The following GALNS variants were observed in gnomAD, a reference collection of about 807,000 sequenced individuals.
GALNS encodes the protein N-acetylgalactosamine-6-sulfatase.
Under a neutral mutation model 65.9 loss-of-function variants are expected in GALNS, and 65 were observed. The ratio of observed to expected loss-of-function variants is 0.99; its 90% CI spans 0.81 to 1.21. The LOEUF (loss-of-function observed/expected upper bound fraction) is 1.21. Ranked by LOEUF, GALNS falls within the 50% of genes most tolerant of loss-of-function variation. GALNS has a pLI of 0.00. For missense variants in GALNS, 776 were observed against 700.7 expected (o/e 1.11, Z -1.21); for synonymous variants, 346 against 288.9 (o/e 1.20, Z -2.00).
intron 12 of GALNS, among the ~76,000 whole-genome samples, chr16:88,820,681 G>C (rs1910116316): frequency 6.6e-6 from 1 of 152,240 alleles, no homozygotes. Context: ...GGGTGGGACT[G>C]TGTCTCTGCT....
At chr16:88,836,350 G>T in intron 5 of GALNS, 83 bp from the exon 6 acceptor site, 1 of 1,140,488 alleles carries the variant, frequency 8.8e-7, no homozygotes, top group East Asian at 2.4e-5. Context: ...GCAAAGCCAT[G>T]GGCTTCATTT....
chr16:88,825,130 G>T (rs1412345507), intron 10 of GALNS, among the ~76,000 whole-genome samples: 199 of 141,998 alleles, frequency 1.4e-3, no homozygotes, highest in African/African-American at 5.4e-3. Flanking sequence ...GGGCTGGGGT[G>T]TCTGGGCGGC....
At chr16:88,818,633 C>G (rs78658793) in intron 12 of GALNS, among the ~76,000 whole-genome samples, 1 of 152,156 alleles carries the variant, frequency 6.6e-6, no homozygotes, top group Admixed American at 6.5e-5. Flanking sequence ...CACGAAGATA[C>G]GATTACACGG....
At chr16:88,830,111 G>A (rs1037840119) in intron 9 of GALNS, among the ~76,000 whole-genome samples, 1 of 151,836 alleles carries the variant, frequency 6.6e-6, no homozygotes, top group African/African-American at 2.4e-5. Flanking sequence ...CATGCCTGTA[G>A]TCCCAGCTAC....
At chr16:88,842,921 G>T in intron 1 of GALNS, 92 bp from the exon 2 acceptor site, 2 of 1,557,036 alleles carry the variant, frequency 1.3e-6, no homozygotes, top group Admixed American at 1.9e-5. Context: ...GCGTGTCGGG[G>T]ACCGTGGAAG....
At chr16:88,816,187 G>C (rs1233575956) in intron 13 of GALNS, 102 of 985,476 alleles carry the variant, frequency 1.0e-4, no homozygotes, top group Non-Finnish European at 1.2e-4. Flanking sequence ...GTGCCCAGGA[G>C]ATGGCAGTGG....
Position 88,822,667 on chromosome 16 carries a change from G to C in GALNS, c.1286C>G (p.Thr429Ser). 1 of 1,613,236 alleles carries C rather than the reference G, an allele frequency of 6.2e-7. No homozygotes were observed. The highest frequency in any genetic ancestry group is 1.7e-5 in the Admixed American group (1 of 60,004). Residue 429 changes from threonine to serine, a missense_variant, in exon 12 of 14, where the codon ACT (threonine) becomes AGT (serine). Coordinates refer to ENST00000268695, the MANE Select transcript of GALNS (RefSeq NM_000512.5). ...CPGQNVSGVT[T>S]HNLEDHTKLP... is the part of the protein sequence containing the mutation. Reference sequence around the variant, plus strand: ...CTTCGTGTGGTCTTCCAGATTGTGAGTTGTGACCCCTGAAACGTTCTGCCC... The same window carrying C: ...CTTCGTGTGGTCTTCCAGATTGTGACTTGTGACCCCTGAAACGTTCTGCCC...
chr16:88,815,461 A>G, intron 13 of GALNS: 1 of 985,454 alleles, frequency 1.0e-6, no homozygotes, highest in Non-Finnish European at 1.2e-6. Flanking sequence ...GCACCCCTCC[A>G]TCGCCTGGGT....
chr16:88,838,025 C>T (rs929135566), intron 4 of GALNS: 21 of 495,542 alleles, frequency 4.2e-5, no homozygotes, highest in Admixed American at 9.7e-5. Flanking sequence ...GTTCCCTGCA[C>T]GGTGAAGGGT....
chr16:88,836,183 T>C lies in GALNS; in HGVS notation c.633+18A>G, dbSNP rs1194572926. 3 of 1,611,610 alleles carry C rather than the reference T, an allele frequency of 1.9e-6. No homozygotes were observed. Among genetic ancestry groups the C allele is most frequent in the South Asian group, 1.1e-5 (1 of 90,982 alleles). ...CCCCATGCGTCCCACAGGGCGAGGA[T>C]GGTGCGGTCCCCATCACCTGCAGGT... is the stretch of plus-strand genomic sequence containing the variant. On this transcript the variant is annotated intron_variant, in intron 6 of 13. Transcript: ENST00000268695.
chr16:88,815,134 C>A (rs929952831), intron 13 of GALNS: 2 of 985,474 alleles, frequency 2.0e-6, no homozygotes, highest in Non-Finnish European at 2.4e-6. Flanking sequence ...GCTACACAGA[C>A]GCTCCCCAGG....
At position 88,835,221 on chromosome 16, in the gene GALNS, G is replaced by A; in HGVS notation, c.890C>T (p.Pro297Leu). 1 of 1,586,968 alleles carries A rather than the reference G, an allele frequency of 6.3e-7. No homozygotes were observed. Among genetic ancestry groups the A allele is most frequent in the East Asian group, 2.3e-5 (1 of 43,960 alleles). The stretch of plus-strand genomic sequence containing the variant: ...TGACAGCGAGCACTCACCTTGTTCG[G>A]GGGCGGAAATGAGGGCAGCGCCGTT... Reference protein sequence around the residue: ...SDNGAALISAPEQGGSNGPFL... With the variant: ...SDNGAALISALEQGGSNGPFL... Residue 297 changes from proline to leucine, a missense_variant, in exon 8 of 14, where the codon CCC becomes CTC. Pro to Leu is a moderately conservative substitution (Grantham distance 98, BLOSUM62 -3). Transcript: ENST00000268695.
At chr16:88,855,370 A>G in intron 1 of GALNS, 1 of 702,552 alleles carries the variant, frequency 1.4e-6, no homozygotes, top group Non-Finnish European at 2.6e-6. Context: ...AAGTATCTAC[A>G]CTGGCCCAGA....
At chr16:88,851,167 T>G (rs1247670037) in intron 1 of GALNS, among the ~76,000 whole-genome samples, 1 of 152,122 alleles carries the variant, frequency 6.6e-6, no homozygotes, top group African/African-American at 2.4e-5. Flanking sequence ...ATTGAACATC[T>G]AAAACCCCCA....
chr16:88,850,322 G>A (rs1316811096), intron 1 of GALNS, among the ~76,000 whole-genome samples: 3 of 152,146 alleles, frequency 2.0e-5, no homozygotes, highest in African/African-American at 4.8e-5. Flanking sequence ...GAGGCTTCCC[G>A]AGGCGGGTCT....
Position 88,814,189 on chromosome 16 carries a change from C to T in GALNS, c.*250G>A, listed in dbSNP as rs1909392287. 1.7e-6 allele frequency: 1 copy of T among 586,220 alleles called. No homozygotes were observed. The highest frequency in any genetic ancestry group is 1.9e-5 in the African/African-American group (1 of 53,626). The allele number at this position is 586,220 out of a possible 1,614,324, so 36.3% of individuals were successfully genotyped here. On this transcript the variant is annotated 3_prime_UTR_variant, in exon 14 of 14. Transcript: ENST00000268695. ...CACAAAGGCGTGAGACGGCAGGGTC[C>T]TGAGGTCTGAGGCGCCGTGGGCGAG...
chr16:88,841,869 G>T, intron 3 of GALNS, 28 bp downstream of exon 3: 8 of 1,601,724 alleles, frequency 5.0e-6, no homozygotes, highest in African/African-American at 1.3e-5. Flanking sequence ...CACCCCAAGG[G>T]TGTCCCTGGA....
intron 4 of GALNS, among the ~76,000 whole-genome samples, chr16:88,838,308 C>T (rs139325530): frequency 1.6e-4 from 25 of 152,238 alleles, no homozygotes; most frequent in Admixed American, 1.0e-3. Context: ...GTGTGCCGTG[C>T]GGGAGCCCCG....
intron 8 of GALNS, among the ~76,000 whole-genome samples, chr16:88,834,554 G>C (rs1911889811): frequency 7.2e-6 from 1 of 138,174 alleles, no homozygotes; most frequent in African/African-American, 2.6e-5. Context: ...GGTCTGGGAA[G>C]AGGCTGCAGG....
Sources: gnomAD v4.1 joint callset for allele counts (sites outside exome capture counted in the v4.1 genomes callset) on GRCh38, gnomAD v4.1.1 for gene constraint, MANE v1.5 for transcripts, NCBI Gene and HGNC (gene_info 2026-07-23, HGNC 2026-07-21) for gene names.